GRIN2A: variants seen among roughly 807,000 people sequenced by gnomAD.
The protein encoded by GRIN2A is glutamate ionotropic receptor NMDA type subunit 2A.
In GRIN2A, 22 loss-of-function variants were observed where a neutral mutation model predicts 113.4. The observed-to-expected ratio is 0.19, with a 90% CI of 0.14 to 0.28. The LOEUF is 0.28. GRIN2A is among the 10% of genes least tolerant of loss of function. The pLI, the probability that GRIN2A is intolerant of heterozygous loss-of-function variation, is 1.00. For synonymous variants in GRIN2A, 827 were observed against 738.4 expected (o/e 1.12, Z -1.94); for missense variants, 1,502 against 1,887.0 (o/e 0.80, Z 3.78).
intron 2 of GRIN2A, among the ~76,000 whole-genome samples, chr16:10,055,188 A>C (rs1029325681): frequency 2.0e-5 from 3 of 151,150 alleles, no homozygotes; most frequent in African/African-American, 7.3e-5. Context: ...ATTATACCCT[A>C]GGTTTGCATG....
At chr16:10,127,639 C>T (rs2048969929) in intron 2 of GRIN2A, among the ~76,000 whole-genome samples, 1 of 152,182 alleles carries the variant, frequency 6.6e-6, no homozygotes, top group Non-Finnish European at 1.5e-5. Context: ...ATGTCCTTCA[C>T]CACTGTATCC....
At chr16:10,165,316 C>CA (rs1567343755) in intron 2 of GRIN2A, among the ~76,000 whole-genome samples, 1 of 151,678 alleles carries the variant, frequency 6.6e-6, no homozygotes, top group Non-Finnish European at 1.5e-5. Context: ...TATAGGAAAA[C>CA]AGACTAGAGG....
At chr16:9,935,697 A>G (rs1157871720) in intron 3 of GRIN2A, among the ~76,000 whole-genome samples, 1 of 151,706 alleles carries the variant, frequency 6.6e-6, no homozygotes, top group Non-Finnish European at 1.5e-5. Flanking sequence ...TTTCCCTTTT[A>G]TTATTATTAT....
intron 2 of GRIN2A, among the ~76,000 whole-genome samples, chr16:9,990,347 A>G (rs1232014366): frequency 6.6e-6 from 1 of 152,102 alleles, no homozygotes; most frequent in Non-Finnish European, 1.5e-5. Flanking sequence ...TCATGGACAT[A>G]AAGATGGGAA....
At position 10,121,831 on chromosome 16, in the gene GRIN2A, T is replaced by C. The variant is rs904625319; in HGVS notation, c.414+58167A>G. Among the ~76,000 whole-genome samples, 67 of 152,216 alleles carry C rather than the reference T, an allele frequency of 4.4e-4. 2 individuals carry two copies. The highest frequency in any genetic ancestry group is 1.0e-4 in the Non-Finnish European group (7 of 68,040). On this transcript the variant is annotated intron_variant, in intron 2 of 12. Transcript: ENST00000330684. ...AATGCTAAAAGTTTTGATACTTTAATATAGCACTGGCCTTGGCTAATTTTA... is the reference window on the plus strand; with the variant it reads ...AATGCTAAAAGTTTTGATACTTTAACATAGCACTGGCCTTGGCTAATTTTA...
chr16:9,942,421 C>T (rs2141647801), intron 2 of GRIN2A, among the ~76,000 whole-genome samples: 1 of 152,286 alleles, frequency 6.6e-6, no homozygotes, highest in African/African-American at 2.4e-5. Context: ...CTTAATCTTT[C>T]TGGGCCTGAG....
chr16:9,896,575 G>T (rs1315844600), intron 3 of GRIN2A, among the ~76,000 whole-genome samples: 1 of 152,130 alleles, frequency 6.6e-6, no homozygotes, highest in Non-Finnish European at 1.5e-5. Flanking sequence ...TCATGCTTCA[G>T]ATTTTTCTGT....
intron 2 of GRIN2A, among the ~76,000 whole-genome samples, chr16:10,160,644 G>A (rs1240443707): frequency 6.6e-6 from 1 of 152,186 alleles, no homozygotes; most frequent in African/African-American, 2.4e-5. Flanking sequence ...AGAGATTTTG[G>A]CTGTTTTAAT....
intron 2 of GRIN2A, among the ~76,000 whole-genome samples, chr16:10,094,397 T>A (rs1026866592): frequency 6.6e-6 from 1 of 152,150 alleles, no homozygotes; most frequent in African/African-American, 2.4e-5. Context: ...CATGAGGGGA[T>A]TTTTTTAGAA....
intron 3 of GRIN2A, 59 bp downstream of exon 3, chr16:9,937,900 A>G (rs2044750724): frequency 6.5e-6 from 8 of 1,226,288 alleles, no homozygotes; most frequent in East Asian, 2.3e-5. Flanking sequence ...GTAAGCAAGC[A>G]AACAATGACA....
chr16:10,176,915 T>C (rs1439763084), intron 2 of GRIN2A, among the ~76,000 whole-genome samples: 2 of 152,176 alleles, frequency 1.3e-5, no homozygotes, highest in Admixed American at 1.3e-4. Context: ...GATAACCAAA[T>C]TGACTACTAT....
intron 2 of GRIN2A, among the ~76,000 whole-genome samples, chr16:10,046,328 G>GTTT (rs36075422): frequency 6.9e-6 from 1 of 145,800 alleles, no homozygotes. Flanking sequence ...TTTTTAAATT[G>GTTT]TTTTTTTTTT....
Position 10,180,787 on chromosome 16 carries a change from C to A in GRIN2A, c.-18-358G>T, listed in dbSNP as rs1407203401. Reference sequence around the variant, plus strand: ...CCTAAGCGCCGCGCGTGTTCTGTACCCCACCAAGCTCCTAGGTGCACAGAA... The same window carrying A: ...CCTAAGCGCCGCGCGTGTTCTGTACACCACCAAGCTCCTAGGTGCACAGAA... On this transcript the variant is annotated intron_variant, in intron 1 of 12. Coordinates refer to ENST00000330684, the MANE Select transcript of GRIN2A (RefSeq NM_001134407.3). This position sits in a 1 kb window ranked among gnomAD's most constrained non-coding sequence, Gnocchi z 7.0. 6 of 410,832 alleles carry A rather than the reference C, an allele frequency of 1.5e-5. No homozygotes were observed. Among genetic ancestry groups the A allele is most frequent in the Non-Finnish European group, 2.3e-5 (5 of 218,968 alleles). The allele number at this position is 410,832 out of a possible 1,614,324, so 25.4% of individuals were successfully genotyped here.
chr16:9,803,602 T>A (rs886392742), intron 10 of GRIN2A, among the ~76,000 whole-genome samples: 2 of 152,184 alleles, frequency 1.3e-5, no homozygotes, highest in African/African-American at 2.4e-5. Context: ...ATTTTATGGA[T>A]CCTATAGGAG....
At chr16:9,808,483 C>T (rs1427091313) in intron 10 of GRIN2A, among the ~76,000 whole-genome samples, 2 of 152,010 alleles carry the variant, frequency 1.3e-5, no homozygotes, top group Non-Finnish European at 2.9e-5. Context: ...AGAGAGATTC[C>T]GAAAAACATC....
At chr16:9,862,079 C>T (rs1300834976) in intron 4 of GRIN2A, among the ~76,000 whole-genome samples, 2 of 152,140 alleles carry the variant, frequency 1.3e-5, no homozygotes, top group African/African-American at 4.8e-5. Flanking sequence ...CATTCTGCTC[C>T]GTGTGGTCTA....
chr16:10,040,133 C>T (rs1202314313), intron 2 of GRIN2A, among the ~76,000 whole-genome samples: 1 of 147,618 alleles, frequency 6.8e-6, no homozygotes, highest in African/African-American at 2.5e-5. Flanking sequence ...TACACACATT[C>T]ACACCACACA....
chr16:9,759,459 A>T lies in GRIN2A; in HGVS notation c.*3690T>A. ...CAGCTGTGGATCTTTTGACTAATTA[A>T]CTGCCTTGGCTAGAGTCCCATTTAA... is the stretch of plus-strand genomic sequence containing the variant. On this transcript the variant is annotated 3_prime_UTR_variant, in exon 13 of 13. Transcript: ENST00000330684. 1 of 225,294 alleles carries T rather than the reference A, an allele frequency of 4.4e-6. No individual in the cohort carries two copies. The highest frequency in any genetic ancestry group is 8.9e-6 in the Non-Finnish European group (1 of 112,980). The allele number at this position is 225,294 out of a possible 1,614,324, so 14.0% of individuals were successfully genotyped here. A position where few individuals can be genotyped will look rare whatever the true frequency, so the allele number is the denominator to read the frequency against.
chr16:9,937,707 C>T, intron 3 of GRIN2A: 1 of 520,772 alleles, frequency 1.9e-6, no homozygotes, highest in Non-Finnish European at 3.5e-6. Context: ...TCGATCAATC[C>T]CAGGTGTAGG....
Sources: gnomAD v4.1 joint callset for allele counts (sites outside exome capture counted in the v4.1 genomes callset) on GRCh38, gnomAD v4.1.1 for gene constraint, Gnocchi (gnomAD v3.1) non-coding constraint, MANE v1.5 for transcripts, NCBI Gene and HGNC (gene_info 2026-07-23, HGNC 2026-07-21) for gene names.